PRICKLE1: variants seen among roughly 807,000 people sequenced by gnomAD.
PRICKLE1 encodes the protein prickle-like protein 1.
A neutral mutation model predicts 70.2 loss-of-function variants in PRICKLE1; 14 were observed. The observed-to-expected ratio is 0.20, with a 90% CI of 0.13 to 0.31. The LOEUF (loss-of-function observed/expected upper bound fraction) is 0.31. Among genes scored for constraint, PRICKLE1 ranks in the 10% least tolerant of loss-of-function variants. The probability of loss-of-function intolerance (pLI) is 1.00; values close to 1 mark genes in which losing one functional copy is unlikely to be tolerated. For missense variants in PRICKLE1, 821 were observed against 1,026.2 expected (o/e 0.80, Z 2.73); for synonymous variants, 357 against 379.9 (o/e 0.94, Z 0.70).
At chr12:42,580,318 A>G (rs1211344165) in intron 1 of PRICKLE1, among the ~76,000 whole-genome samples, 1 of 152,214 alleles carries the variant, frequency 6.6e-6, no homozygotes, top group Non-Finnish European at 1.5e-5. Flanking sequence ...TCAACAGTAT[A>G]TTAATTATAC....
intron 1 of PRICKLE1, among the ~76,000 whole-genome samples, chr12:42,474,761 G>A (rs1224105916): frequency 2.6e-5 from 4 of 152,206 alleles, no homozygotes; most frequent in African/African-American, 9.7e-5. Flanking sequence ...TGCCTTCAAT[G>A]AAATTTAACC....
intron 1 of PRICKLE1, among the ~76,000 whole-genome samples, chr12:42,488,875 T>G (rs1009975750): frequency 1.3e-5 from 2 of 152,046 alleles, no homozygotes; most frequent in African/African-American, 4.8e-5. Flanking sequence ...AATAAGTGAA[T>G]TTTTATATTT....
intron 1 of PRICKLE1, among the ~76,000 whole-genome samples, chr12:42,581,475 T>C (rs938539865): frequency 5.3e-5 from 8 of 151,962 alleles, no homozygotes; most frequent in Non-Finnish European, 1.2e-4. Flanking sequence ...CCAGGTGAGG[T>C]GGCTCACACC....
chr12:42,469,618 CTGAG>C, intron 3 of PRICKLE1, 31 bp from the exon 4 acceptor site: 2 of 1,613,428 alleles, frequency 1.2e-6, no homozygotes, highest in Non-Finnish European at 1.7e-6. Context: ...AAACACCACA[CTGAG>C]TGCACAGTCT....
Position 42,492,076 on chromosome 12 carries a change from G to A in PRICKLE1, c.-48-19512C>T, listed in dbSNP as rs111917577. On this transcript the variant is annotated intron_variant, in intron 1 of 7. Coordinates refer to ENST00000345127, the MANE Select transcript of PRICKLE1 (RefSeq NM_153026.3). The stretch of plus-strand genomic sequence containing the variant: ...TGGGATTACAGGCGTGACCCACCGC[G>A]CCTGGCCTGCTCCATCTTAAATAAA... Among the ~76,000 whole-genome samples, 1,014 of 151,118 alleles carry A rather than the reference G, an allele frequency of 6.7e-3. 19 individuals are homozygous for A. The highest frequency in any genetic ancestry group is 0.024 in the African/African-American group (969 of 41,094).
At chr12:42,520,609 T>C (rs1469168829) in intron 1 of PRICKLE1, among the ~76,000 whole-genome samples, 3 of 152,364 alleles carry the variant, frequency 2.0e-5, no homozygotes, top group South Asian at 2.1e-4. Context: ...TTTAATTTGA[T>C]TGAGGCTTCA....
chr12:42,560,074 A>G (rs998553667), intron 1 of PRICKLE1, among the ~76,000 whole-genome samples: 1 of 149,718 alleles, frequency 6.7e-6, no homozygotes, highest in African/African-American at 2.4e-5. Context: ...TAAAATTTAG[A>G]TATCACAGAT....
chr12:42,553,276 CT>C (rs1555239462), intron 1 of PRICKLE1, among the ~76,000 whole-genome samples: 3 of 151,840 alleles, frequency 2.0e-5, no homozygotes, highest in Non-Finnish European at 4.4e-5. Flanking sequence ...AACCCTGTCT[CT>C]ACTAAAAATA....
At chr12:42,516,347 T>A (rs566394916) in intron 1 of PRICKLE1, among the ~76,000 whole-genome samples, 12 of 152,098 alleles carry the variant, frequency 7.9e-5, no homozygotes, top group Admixed American at 2.6e-4. Flanking sequence ...TTAGCCAGGA[T>A]GGTCTCGATC....
chr12:42,472,632 G>A (rs1475878225), intron 1 of PRICKLE1, 68 bp from the exon 2 acceptor site: 3 of 1,334,972 alleles, frequency 2.2e-6, no homozygotes, highest in South Asian at 1.2e-5. Flanking sequence ...CCCCGACCCA[G>A]AGCTTTTATT....
At chr12:42,566,641 A>T (rs191317403) in intron 1 of PRICKLE1, among the ~76,000 whole-genome samples, 1 of 152,362 alleles carries the variant, frequency 6.6e-6, no homozygotes, top group African/African-American at 2.4e-5. Context: ...TTAAATGAGA[A>T]TGTGTGTAAA....
At chr12:42,518,976 GATTA>G (rs1481980074) in intron 1 of PRICKLE1, among the ~76,000 whole-genome samples, 11 of 152,076 alleles carry the variant, frequency 7.2e-5, no homozygotes, top group African/African-American at 2.4e-4. Flanking sequence ...CTTGAGAATT[GATTA>G]ATTCTCAGTT....
chr12:42,545,287 G>A (rs2120621317), intron 1 of PRICKLE1, among the ~76,000 whole-genome samples: 1 of 152,214 alleles, frequency 6.6e-6, no homozygotes, highest in Middle Eastern at 3.4e-3. Context: ...TTACAGGTGT[G>A]AGCCACCATG....
rs1321494551 is a variant in PRICKLE1, at chr12:42,535,384, A to AGAGAAGC, written c.-49+54074_-49+54080dup. ...ATGAACCAACACATTTCCTTTTCTC[A>AGAGAAGC]GAGAAGCTATTTTGAGTTGGATTTT... On this transcript the variant is annotated intron_variant, in intron 1 of 7. Coordinates refer to ENST00000345127, the MANE Select transcript of PRICKLE1 (RefSeq NM_153026.3). Among the ~76,000 whole-genome samples the AGAGAAGC allele has an allele frequency of 2.0e-5, 3 of 152,350 alleles. No individual in the cohort carries two copies. The East Asian group carries it at 5.8e-4, about 29-fold the overall frequency.
In PRICKLE1 at chr12:42,465,380, G is replaced by GT. The variant is rs1267437650; in HGVS notation, c.776-123_776-122insA. 34 of 874,582 alleles carry GT rather than the reference G, an allele frequency of 3.9e-5. No individual in the cohort carries two copies. The African/African-American group carries it at 4.6e-4, about 12-fold the overall frequency. 54.2% of individuals were successfully genotyped at this position (874,582 alleles called of 1,614,324 possible). On this transcript the variant is annotated intron_variant, in intron 6 of 7. Coordinates refer to ENST00000345127, the MANE Select transcript of PRICKLE1 (RefSeq NM_153026.3). ...ATGGGGGAGCTGTGTGGGTGACACA[G>GT]ATATAATTAATCCTCATTCTTTGTG... is the stretch of plus-strand genomic sequence containing the variant.
intron 1 of PRICKLE1, among the ~76,000 whole-genome samples, chr12:42,576,287 G>T (rs1940805602): frequency 6.6e-6 from 1 of 152,214 alleles, no homozygotes. Context: ...TAAATGGTTA[G>T]GAAAAGAGGC....
chr12:42,557,251 T>C (rs566100863), intron 1 of PRICKLE1, among the ~76,000 whole-genome samples: 2 of 152,298 alleles, frequency 1.3e-5, no homozygotes, highest in East Asian at 3.9e-4. Flanking sequence ...ATTCAATACA[T>C]AGGCATTATC....
chr12:42,470,195 T>G lies in PRICKLE1; in HGVS notation c.246+51A>C, dbSNP rs1938259461. 6.2e-6 allele frequency: 8 copies of G among 1,280,188 alleles called. No individual in the cohort carries two copies. In the East Asian group the frequency reaches 1.8e-4, roughly 30 times the overall value. The allele number at this position is 1,280,188 out of a possible 1,614,324, so 79.3% of individuals were successfully genotyped here. ...TTTATGAGCAGCATCTCAATGCTTCTCATGCATTTTTTCTTCTTTTTTCTA... is the reference window on the plus strand; with the variant it reads ...TTTATGAGCAGCATCTCAATGCTTCGCATGCATTTTTTCTTCTTTTTTCTA... On this transcript the variant is annotated intron_variant, in intron 3 of 7. Coordinates refer to ENST00000345127, the MANE Select transcript of PRICKLE1 (RefSeq NM_153026.3).
intron 1 of PRICKLE1, among the ~76,000 whole-genome samples, chr12:42,577,990 G>A (rs1940830108): frequency 6.6e-6 from 1 of 152,130 alleles, no homozygotes. Context: ...TTCCTCATCA[G>A]TAAATTGGGA....
Sources: allele counts gnomAD v4.1 joint callset (sites outside exome capture counted in the v4.1 genomes callset), GRCh38; gene constraint gnomAD v4.1.1; transcripts MANE v1.5; gene names NCBI Gene and HGNC (gene_info 2026-07-23, HGNC 2026-07-21).